The following METTL25 variants were observed in gnomAD, a reference collection of about 807,000 sequenced individuals.
METTL25 encodes probable methyltransferase-like protein 25.
In METTL25, 64 loss-of-function variants were observed where a neutral mutation model predicts 71.6. That is an observed-to-expected ratio of 0.89 (90% confidence interval 0.73 to 1.10). METTL25 has a LOEUF of 1.10. Among genes scored for constraint, METTL25 ranks in the 50% least tolerant of loss-of-function variants. The pLI is 0.00. For missense variants in METTL25, 807 were observed against 707.0 expected, an observed-to-expected ratio of 1.14 and a Z score of -1.60; for synonymous variants, 287 against 250.3, an observed-to-expected ratio of 1.15 and a Z score of -1.38.
At chr12:82,466,610 T>C (rs2076717912) in intron 9 of METTL25, among the ~76,000 whole-genome samples, 1 of 152,144 alleles carries the variant, frequency 6.6e-6, no homozygotes, top group Non-Finnish European at 1.5e-5. Flanking sequence ...TCTGTTAGTT[T>C]GATCTAATGT....
chr12:82,450,700 TC>T (rs1891079059), intron 8 of METTL25, among the ~76,000 whole-genome samples: 1 of 152,156 alleles, frequency 6.6e-6, no homozygotes, highest in African/African-American at 2.4e-5. Context: ...TTTCTACTCT[TC>T]CTTTTGTTCA....
Position 82,446,253 on chromosome 12 carries a change from A to T in METTL25, c.1478+7462A>T, listed in dbSNP as rs551472094. On this transcript the variant is annotated intron_variant, in intron 8 of 11. Coordinates refer to ENST00000248306, the MANE Select transcript of METTL25 (RefSeq NM_032230.3). ...GGGACTTGAACACCCCACTTTTAGTAATGTACCGATTAGCCAGACAGAAAT... is the reference window on the plus strand; with the variant it reads ...GGGACTTGAACACCCCACTTTTAGTTATGTACCGATTAGCCAGACAGAAAT... Among the ~76,000 whole-genome samples, 5 of 152,312 alleles carry T rather than the reference A, an allele frequency of 3.3e-5. No homozygotes were observed. In the South Asian group the frequency reaches 1.0e-3, roughly 32 times the overall value.
Position 82,479,016 on chromosome 12 carries a change from C to T in METTL25, c.1804C>T (p.Gln602Ter), listed in dbSNP as rs374731619. The T allele has an allele frequency of 6.2e-7, 1 of 1,611,658 alleles. No homozygotes were observed. Among genetic ancestry groups the T allele is most frequent in the Admixed American group, 1.7e-5 (1 of 59,956 alleles). ...RCYAVIALKK[Q>*]Q The stretch of plus-strand genomic sequence containing the variant: ...TTATGCTGTTATTGCCCTGAAGAAG[C>T]AGCAGTGATTTCCATTGAAGCAAAT... Residue 602 changes from glutamine (Q) to a stop codon, truncating the protein, a stop_gained, in exon 12 of 12, where the codon CAG becomes TAG. Coordinates refer to ENST00000248306, the MANE Select transcript of METTL25 (RefSeq NM_032230.3). LOFTEE classifies it high-confidence loss of function.
chr12:82,450,666 C>G (rs1891075957), intron 8 of METTL25, among the ~76,000 whole-genome samples: 1 of 152,106 alleles, frequency 6.6e-6, no homozygotes, highest in Non-Finnish European at 1.5e-5. Context: ...TGTCATCTGG[C>G]TCCTCATTTT....
intron 9 of METTL25, among the ~76,000 whole-genome samples, chr12:82,469,461 G>A (rs1592777036): frequency 1.3e-5 from 2 of 152,088 alleles, no homozygotes; most frequent in South Asian, 4.2e-4. Context: ...TGACAGGTGA[G>A]CAAAGAGGTG....
chr12:82,476,710 T>C lies in METTL25; in HGVS notation c.1639T>C (p.Phe547Leu). 1 of 1,586,836 alleles carries C rather than the reference T, an allele frequency of 6.3e-7. No individual in the cohort carries two copies. The stretch of plus-strand genomic sequence containing the variant: ...GCCTCGAATGAATGAGCTGGAAGCT[T>C]TTAATATGGTAAATCTCAGAGTTAA... ...YKPRMNELEA[F>L]NMLKVVLAPC... The change falls in exon 10 of 12, where the codon TTT (phenylalanine) becomes CTT (leucine). Residue 547 changes from phenylalanine to leucine, a missense_variant. By Grantham distance (22) the Phe-to-Leu change is conservative. Coordinates refer to ENST00000248306, the MANE Select transcript of METTL25 (RefSeq NM_032230.3).
intron 5 of METTL25, chr12:82,407,843 T>A: frequency 1.0e-6 from 1 of 985,358 alleles, no homozygotes; most frequent in Non-Finnish European, 1.2e-6. Context: ...ACTGCCACAT[T>A]TTCTCATCTC....
At chr12:82,362,208 C>A (rs1181479868) in intron 1 of METTL25, among the ~76,000 whole-genome samples, 1 of 152,124 alleles carries the variant, frequency 6.6e-6, no homozygotes, top group Non-Finnish European at 1.5e-5. Flanking sequence ...CTAAAAAGAA[C>A]TAGAATAAAA....
At chr12:82,370,008 CCCCA>C (rs1410179915) in intron 1 of METTL25, among the ~76,000 whole-genome samples, 1 of 152,122 alleles carries the variant, frequency 6.6e-6, no homozygotes, top group Non-Finnish European at 1.5e-5. Flanking sequence ...TTCTTCAAGT[CCCCA>C]CCCAACCCAG....
intron 1 of METTL25, among the ~76,000 whole-genome samples, chr12:82,374,888 G>T (rs114588106): frequency 4.8e-4 from 73 of 152,312 alleles, no homozygotes; most frequent in African/African-American, 1.6e-3. Context: ...GACAATAGTG[G>T]TCTAGAGATG....
intron 1 of METTL25, among the ~76,000 whole-genome samples, chr12:82,378,630 A>G (rs569654011): frequency 1.7e-3 from 253 of 152,360 alleles, no homozygotes; most frequent in South Asian, 5.0e-3. Context: ...AGAGAGGGAT[A>G]TAACTTAATT....
At chr12:82,446,283 C>T (rs1565872097) in intron 8 of METTL25, among the ~76,000 whole-genome samples, 1 of 152,096 alleles carries the variant, frequency 6.6e-6, no homozygotes, top group East Asian at 1.9e-4. Context: ...AGAAATATAA[C>T]AAAGAAACTT....
chr12:82,373,116 C>T lies in METTL25; in HGVS notation c.260-13687C>T, dbSNP rs143340284. ...TCCCTTACTGATGCATTATCGAAAACCTGTTAGAGTCCTAAGCGTTCTCCT... is the reference window on the plus strand; with the variant it reads ...TCCCTTACTGATGCATTATCGAAAATCTGTTAGAGTCCTAAGCGTTCTCCT... On this transcript the variant is annotated intron_variant, in intron 1 of 11. Coordinates refer to ENST00000248306, the MANE Select transcript of METTL25 (RefSeq NM_032230.3). 2.7e-4 allele frequency among the ~76,000 whole-genome samples: 41 copies of T among 152,208 alleles called. No individual in the cohort carries two copies. The East Asian group carries it at 6.4e-3, about 24-fold the overall frequency.
At chr12:82,442,131 G>A (rs569061029) in intron 8 of METTL25, among the ~76,000 whole-genome samples, 8 of 152,226 alleles carry the variant, frequency 5.3e-5, no homozygotes, top group East Asian at 3.9e-4. Flanking sequence ...CTAGTAGAGA[G>A]TTAGGACTTT....
At position 82,476,645 on chromosome 12, in the gene METTL25, T is replaced by G; in HGVS notation, c.1574T>G (p.Leu525Arg). ...LKKLGLDESKLPEKIIMNYYE... is the reference protein window; with the variant it reads ...LKKLGLDESKRPEKIIMNYYE... ...TTATTGTTGTTTTTTATCTTGAAGC[T>G]GCCAGAAAAAATTATAATGAACTAC... The change falls in exon 10 of 12, where the codon CTG (leucine) becomes CGG (arginine). Residue 525 changes from leucine to arginine, a missense_variant and splice_region_variant. Physicochemically the swap from Leu to Arg is moderately radical, Grantham distance 102. Coordinates refer to ENST00000248306, the MANE Select transcript of METTL25 (RefSeq NM_032230.3). 1 of 1,585,422 alleles carries G rather than the reference T, an allele frequency of 6.3e-7. No individual in the cohort carries two copies. The highest frequency in any genetic ancestry group is 8.6e-7 in the Non-Finnish European group (1 of 1,163,434).
At chr12:82,382,325 C>G (rs1473202149) in intron 1 of METTL25, among the ~76,000 whole-genome samples, 1 of 152,088 alleles carries the variant, frequency 6.6e-6, no homozygotes, top group Non-Finnish European at 1.5e-5. Context: ...TTTTCCCAAC[C>G]CTGTAACAAC....
In METTL25 at chr12:82,466,726, C is replaced by T. The variant is rs565710818; in HGVS notation, c.1572+9906C>T. Among the ~76,000 whole-genome samples, 39 of 152,160 alleles carry T rather than the reference C, an allele frequency of 2.6e-4. No homozygotes were observed. In the South Asian group the frequency reaches 5.4e-3, roughly 21 times the overall value. On this transcript the variant is annotated intron_variant, in intron 9 of 11. Coordinates refer to ENST00000248306, the MANE Select transcript of METTL25 (RefSeq NM_032230.3). ...CAACTATTACTGGATTGAGGTCCAT[C>T]TGTCTCTTTAGATCTAATAATATTT...
At chr12:82,398,644 AATG>A (rs1363706526) in intron 3 of METTL25, 148 bp from the exon 4 acceptor site, 1 of 404,390 alleles carries the variant, frequency 2.5e-6, no homozygotes, top group Non-Finnish European at 4.1e-6. Flanking sequence ...GTTGAATAAA[AATG>A]ATGAGTGGTT....
intron 5 of METTL25, among the ~76,000 whole-genome samples, chr12:82,416,445 G>A (rs1324228771): frequency 1.7e-5 from 1 of 59,540 alleles, no homozygotes; most frequent in Non-Finnish European, 3.6e-5. Context: ...TTATCATTTA[G>A]GTTTTTTTTT....
Sources: gnomAD v4.1 joint callset for allele counts (sites outside exome capture counted in the v4.1 genomes callset) on GRCh38, gnomAD v4.1.1 for gene constraint, MANE v1.5 for transcripts, NCBI Gene and HGNC (gene_info 2026-07-23, HGNC 2026-07-21) for gene names.